The following KCNK10 variants were observed in gnomAD, a reference collection of about 807,000 sequenced individuals.
KCNK10 encodes potassium two pore domain channel subfamily K member 10.
Under a neutral mutation model 47.7 loss-of-function variants are expected in KCNK10, and 25 were observed. The ratio of observed to expected loss-of-function variants is 0.52; its 90% CI spans 0.38 to 0.73. The LOEUF is 0.73. Ranked by LOEUF, KCNK10 falls within the 30% of genes least tolerant of loss-of-function variation. KCNK10 has a pLI of 0.00. For missense variants in KCNK10, 563 were observed against 714.5 expected (o/e 0.79, Z 2.42); for synonymous variants, 303 against 285.6 (o/e 1.06, Z -0.61).
At chr14:88,218,251 G>A (rs1885687890) in intron 4 of KCNK10, among the ~76,000 whole-genome samples, 1 of 152,198 alleles carries the variant, frequency 6.6e-6, no homozygotes, top group Admixed American at 6.5e-5. Flanking sequence ...TGCCAATTGT[G>A]TTCTTAAAAG....
At chr14:88,258,425 G>C (rs940066812) in intron 2 of KCNK10, among the ~76,000 whole-genome samples, 3 of 151,932 alleles carry the variant, frequency 2.0e-5, no homozygotes, top group African/African-American at 7.3e-5. Context: ...TGAGTGGCTG[G>C]GATTACAGGC....
chr14:88,254,065 C>T (rs1886875642), intron 2 of KCNK10, among the ~76,000 whole-genome samples: 1 of 152,182 alleles, frequency 6.6e-6, no homozygotes, highest in Middle Eastern at 3.4e-3. Flanking sequence ...CCAGGCAGTT[C>T]CAGACCTAGC....
chr14:88,220,534 G>A (rs1421916658), intron 4 of KCNK10, among the ~76,000 whole-genome samples: 1 of 143,748 alleles, frequency 7.0e-6, no homozygotes, highest in African/African-American at 2.6e-5. Flanking sequence ...CTAGAATAGA[G>A]AGCCCAAAAT....
At chr14:88,201,141 CA>C (rs1162536954) in intron 4 of KCNK10, among the ~76,000 whole-genome samples, 7 of 152,154 alleles carry the variant, frequency 4.6e-5, no homozygotes, top group Admixed American at 2.0e-4. Flanking sequence ...ACAAAGTTTC[CA>C]TTGGAGGCCT....
At chr14:88,213,566 T>C (rs1885526640) in intron 4 of KCNK10, among the ~76,000 whole-genome samples, 1 of 152,296 alleles carries the variant, frequency 6.6e-6, no homozygotes, top group Admixed American at 6.5e-5. Context: ...ATCACTAGAC[T>C]TTCACTAGCC....
At chr14:88,312,235 A>G (rs1444928412) in intron 1 of KCNK10, among the ~76,000 whole-genome samples, 1 of 152,180 alleles carries the variant, frequency 6.6e-6, no homozygotes, top group Non-Finnish European at 1.5e-5. Context: ...GTTTGGAAAC[A>G]TGGGAACCTC....
At position 88,252,645 on chromosome 14, in the gene KCNK10, A is replaced by C. The variant is rs141071390; in HGVS notation, c.402+10557T>G. On this transcript the variant is annotated intron_variant, in intron 2 of 6. Coordinates refer to ENST00000319231, the MANE Select transcript of KCNK10 (RefSeq NM_138317.3). ...GGTTCATACCCAGGACCACAGCACA[A>C]TACCCACTCCTCACATGCCGCTGCC... Among the ~76,000 whole-genome samples, 20 of 152,260 alleles carry C rather than the reference A, an allele frequency of 1.3e-4. No individual in the cohort carries two copies. In the East Asian group the frequency reaches 2.3e-3, roughly 18 times the overall value.
rs1161992113 is a variant in KCNK10, at chr14:88,180,549, A to G, written c.*4986T>C. 2.7e-6 allele frequency: 1 copy of G among 366,738 alleles called. No individual in the cohort carries two copies. Among genetic ancestry groups the G allele is most frequent in the Non-Finnish European group, 4.8e-6 (1 of 206,410 alleles). The allele number at this position is 366,738 out of a possible 1,614,324, so 22.7% of individuals were successfully genotyped here. On this transcript the variant is annotated 3_prime_UTR_variant, in exon 7 of 7. Coordinates refer to ENST00000319231, the MANE Select transcript of KCNK10 (RefSeq NM_138317.3). ...AGGTCTGCTGAATCGACGGAGCAGG[A>G]GTCCTCTCAAAATAATTTATTTTAA... is the stretch of plus-strand genomic sequence containing the variant.
chr14:88,295,937 A>T (rs1887976783), intron 1 of KCNK10, among the ~76,000 whole-genome samples: 1 of 152,166 alleles, frequency 6.6e-6, no homozygotes, highest in Admixed American at 6.5e-5. Context: ...AATTAAACTA[A>T]CAAATTCTTG....
At chr14:88,311,537 T>A (rs1888329797) in intron 1 of KCNK10, among the ~76,000 whole-genome samples, 2 of 152,096 alleles carry the variant, frequency 1.3e-5, no homozygotes, top group Non-Finnish European at 2.9e-5. Context: ...TCTAAAAAAA[T>A]CTCATGGTCT....
At chr14:88,292,477 G>A (rs12896238) in intron 1 of KCNK10, among the ~76,000 whole-genome samples, 8,041 of 151,994 alleles carry the variant, frequency 0.053, 274 homozygotes, top group East Asian at 0.083. Context: ...AGCATCCTGA[G>A]TATCTGGGAT....
intron 1 of KCNK10, among the ~76,000 whole-genome samples, chr14:88,319,867 C>G (rs947682805): frequency 6.6e-6 from 1 of 152,234 alleles, no homozygotes; most frequent in Admixed American, 6.5e-5. Flanking sequence ...TACTCAAACT[C>G]TCTGTTCCTC....
intron 1 of KCNK10, among the ~76,000 whole-genome samples, chr14:88,268,303 G>A (rs1040473289): frequency 3.3e-5 from 5 of 152,172 alleles, no homozygotes; most frequent in African/African-American, 4.8e-5. Context: ...CGGGAGCAAC[G>A]TACCCGCAGT....
intron 1 of KCNK10, among the ~76,000 whole-genome samples, chr14:88,269,581 T>C (rs1887352818): frequency 6.6e-6 from 1 of 152,008 alleles, no homozygotes; most frequent in South Asian, 2.1e-4. Flanking sequence ...GGACCACAGA[T>C]ATATGCCACC....
chr14:88,310,169 C>CATATGGTATATCATATACCATATG lies in KCNK10; in HGVS notation c.52+12577_52+12578insCATATGGTATATGATATACCATAT, dbSNP rs1566721430. On this transcript the variant is annotated intron_variant, in intron 1 of 6. Coordinates refer to ENST00000319231, the MANE Select transcript of KCNK10 (RefSeq NM_138317.3). The stretch of plus-strand genomic sequence containing the variant: ...TCCATATCTCTCTCATATACCATAT[C>CATATGGTATATCATATACCATATG]ATATGGTATATGATATACCATATCA... Among the ~76,000 whole-genome samples the CATATGGTATATCATATACCATATG allele has an allele frequency of 5.9e-4, 61 of 104,036 alleles. 2 individuals carry two copies. Among genetic ancestry groups the CATATGGTATATCATATACCATATG allele is most frequent in the African/African-American group, 1.1e-3 (24 of 22,722 alleles). The allele number at this position is 104,036 out of a possible 152,430, so 68.3% of individuals were successfully genotyped here. A position where few individuals can be genotyped will look rare whatever the true frequency, so the allele number is the denominator to read the frequency against.
At chr14:88,199,111 G>A (rs1289987457) in intron 4 of KCNK10, among the ~76,000 whole-genome samples, 1 of 151,926 alleles carries the variant, frequency 6.6e-6, no homozygotes, top group Admixed American at 6.6e-5. Context: ...GTAGAGATGG[G>A]GTTTCGCCAT....
chr14:88,300,093 C>A (rs183425649), intron 1 of KCNK10, among the ~76,000 whole-genome samples: 6 of 152,272 alleles, frequency 3.9e-5, no homozygotes, highest in African/African-American at 1.4e-4. Context: ...GTTCTCATTT[C>A]CCTAATTCTC....
rs758838071 is a variant in KCNK10 at position 88,185,502 on chromosome 14, C to CACAA, written c.*32_*33insTTGT. 3.1e-5 allele frequency: 49 copies of CACAA among 1,589,932 alleles called. No individual in the cohort carries two copies. In the Admixed American group the frequency reaches 3.8e-4, roughly 12 times the overall value. On this transcript the variant is annotated 3_prime_UTR_variant, in exon 7 of 7. Transcript: ENST00000319231. The surrounding 1 kb of genome is among the most constrained non-coding windows in gnomAD (Gnocchi z 4.3). ...TTAAAAACACACACACACACACACA[C>CACAA]AACGCTCAGTCCAAGACCAATGTCC... is the stretch of plus-strand genomic sequence containing the variant.
chr14:88,263,391 G>A lies in KCNK10; in HGVS notation c.213C>T (p.Val71=), dbSNP rs779317577. 4.3e-6 allele frequency: 7 copies of A among 1,613,984 alleles called. No individual in the cohort carries two copies. In the East Asian group the frequency reaches 1.6e-4, roughly 36 times the overall value. Reference sequence around the variant, plus strand: ...TGGCAACCACCGTCTTCCACTTCATGACGGTCTGCAAGCCCCCTTGGGAGG... The same window carrying A: ...TGGCAACCACCGTCTTCCACTTCATAACGGTCTGCAAGCCCCCTTGGGAGG... ...EGTSQGGLQT[V]MKWKTVVAIF... The change falls in exon 2 of 7, where the codon GTC becomes GTT. Residue 71 remains valine, a synonymous_variant. Coordinates refer to ENST00000319231, the MANE Select transcript of KCNK10 (RefSeq NM_138317.3).
Sources: allele counts gnomAD v4.1 joint callset (sites outside exome capture counted in the v4.1 genomes callset), GRCh38; gene constraint gnomAD v4.1.1; non-coding constraint Gnocchi (gnomAD v3.1); transcripts MANE v1.5; gene names NCBI Gene and HGNC (gene_info 2026-07-23, HGNC 2026-07-21).